NREP: variants seen among roughly 807,000 people sequenced by gnomAD.
NREP encodes the protein neuronal regeneration-related protein.
A neutral mutation model predicts 8.6 loss-of-function variants in NREP; 5 were observed. That is an observed-to-expected ratio of 0.58 (90% confidence interval 0.30 to 1.22). NREP has a LOEUF of 1.22. Among genes scored for constraint, NREP ranks in the 50% most tolerant of loss-of-function variants. The probability of loss-of-function intolerance (pLI) is 0.07; values close to 1 mark genes in which losing one functional copy is unlikely to be tolerated. For missense variants in NREP, 86 were observed against 82.5 expected (o/e 1.04, Z -0.17); for synonymous variants, 27 against 28.0 (o/e 0.96, Z 0.11).
intron 2 of NREP, among the ~76,000 whole-genome samples, chr5:111,914,937 T>A (rs1755014152): frequency 6.6e-6 from 1 of 152,160 alleles, no homozygotes; most frequent in African/African-American, 2.4e-5. Context: ...CTCTTCTTTT[T>A]TATTGATTAG....
Position 111,780,462 on chromosome 5 carries a change from G to A in NREP, c.136-44955C>T, listed in dbSNP as rs549892545. 2.5e-4 allele frequency among the ~76,000 whole-genome samples: 38 copies of A among 152,130 alleles called. No homozygotes were observed. The South Asian group carries it at 7.5e-3, about 30-fold the overall frequency. On this transcript the variant is annotated intron_variant, in intron 2 of 3. Transcript: ENST00000395634. ...GAGTCATAGAGCTTTTTAAATTAGG[G>A]GTTTTCAATATTCTAAGTTATTTGG...
chr5:111,765,136 G>A (rs1347581394), intron 2 of NREP, among the ~76,000 whole-genome samples: 1 of 152,112 alleles, frequency 6.6e-6, no homozygotes, highest in Non-Finnish European at 1.5e-5. Context: ...GTATGGTTTT[G>A]GGAGAAAACT....
At chr5:111,866,936 A>G (rs1321185338) in intron 2 of NREP, among the ~76,000 whole-genome samples, 1 of 150,224 alleles carries the variant, frequency 6.7e-6, no homozygotes, top group Non-Finnish European at 1.5e-5. Context: ...ATAGGTGGGA[A>G]TTGAACAATG....
rs563139063 is a variant in NREP, at chr5:111,745,306, T to C, written c.4-9799A>G. 5.9e-5 allele frequency among the ~76,000 whole-genome samples: 9 copies of C among 152,312 alleles called. No homozygotes were observed. In the East Asian group the frequency reaches 1.5e-3, roughly 26 times the overall value. On this transcript the variant is annotated intron_variant, in intron 2 of 3. Coordinates refer to ENST00000257435, the MANE Select transcript of NREP (RefSeq NM_004772.4). ...GCCCAAGGTCTCCAGTGTTCATGTG[T>C]TGCTACAGTCCTGGAGGAAAGACCA...
intron 2 of NREP, among the ~76,000 whole-genome samples, chr5:111,753,266 G>A (rs774248196): frequency 1.9e-4 from 29 of 150,462 alleles, no homozygotes; most frequent in Non-Finnish European, 4.0e-4. Flanking sequence ...GTGCAGTGGC[G>A]TTCAAGGAGG....
At chr5:111,859,584 C>A (rs1315246527) in intron 2 of NREP, among the ~76,000 whole-genome samples, 1 of 152,082 alleles carries the variant, frequency 6.6e-6, no homozygotes, top group African/African-American at 2.4e-5. Context: ...AATGGCAATG[C>A]TAATGGGATC....
chr5:111,755,918 A>G (rs1750674938), intron 1 of NREP, 88 bp from the exon 2 acceptor site: 3 of 1,560,724 alleles, frequency 1.9e-6, no homozygotes, highest in Admixed American at 1.8e-5. Flanking sequence ...ACAGACGAAT[A>G]ACCATTTTCT....
At chr5:111,826,540 T>C (rs559148515) in intron 2 of NREP, among the ~76,000 whole-genome samples, 1 of 152,248 alleles carries the variant, frequency 6.6e-6, no homozygotes, top group East Asian at 1.9e-4. Context: ...TCTGAACATC[T>C]GAAGGAACAA....
intron 2 of NREP, among the ~76,000 whole-genome samples, chr5:111,947,745 T>C (rs994847511): frequency 6.6e-6 from 1 of 152,078 alleles, no homozygotes; most frequent in Admixed American, 6.6e-5. Context: ...GAATGGCACA[T>C]GAATGCAGTG....
intron 2 of NREP, among the ~76,000 whole-genome samples, chr5:111,779,717 T>C (rs886533083): frequency 6.6e-6 from 1 of 152,148 alleles, no homozygotes; most frequent in African/African-American, 2.4e-5. Context: ...CATATTTAGA[T>C]GTTTCTATAA....
At chr5:111,922,010 C>CT (rs1755253493) in intron 2 of NREP, among the ~76,000 whole-genome samples, 1 of 152,140 alleles carries the variant, frequency 6.6e-6, no homozygotes, top group Non-Finnish European at 1.5e-5. Flanking sequence ...AATTAAACCG[C>CT]TTTTTCTTCC....
intron 2 of NREP, among the ~76,000 whole-genome samples, chr5:111,937,164 A>G (rs1207567897): frequency 1.3e-5 from 2 of 152,138 alleles, no homozygotes; most frequent in Non-Finnish European, 2.9e-5. Context: ...GAAGAGCTTA[A>G]CAGTTAAACT....
intron 1 of NREP, chr5:111,975,436 T>A: frequency 8.5e-7 from 1 of 1,177,022 alleles, no homozygotes; most frequent in Non-Finnish European, 1.2e-6. Flanking sequence ...GTGCCACAAC[T>A]CACAGCTCCA....
intron 3 of NREP, chr5:111,733,821 G>A (rs547453344): frequency 2.0e-5 from 3 of 152,244 alleles, no homozygotes; most frequent in South Asian, 4.1e-4. Flanking sequence ...AATGTGCCTC[G>A]GGGTGGATCA....
chr5:111,864,845 A>G (rs1340590455), intron 2 of NREP, among the ~76,000 whole-genome samples: 1 of 152,196 alleles, frequency 6.6e-6, no homozygotes, highest in Non-Finnish European at 1.5e-5. Flanking sequence ...TTAATGACAT[A>G]CCATTATTGA....
At chr5:111,975,134 C>T (rs1756925789) in intron 2 of NREP, 4 of 640,416 alleles carry the variant, frequency 6.2e-6, no homozygotes, top group South Asian at 3.9e-5. Flanking sequence ...GCTGAAAAGC[C>T]TGAATTAATG....
In NREP at chr5:111,957,342, C is replaced by T. The variant is rs1309549848; in HGVS notation, c.135+17932G>A. Among the ~76,000 whole-genome samples, 3 of 151,812 alleles carry T rather than the reference C, an allele frequency of 2.0e-5. No homozygotes were observed. In the East Asian group the frequency reaches 5.8e-4, roughly 29 times the overall value. ...GAAAATGTTAAATTTCATATACCTA[C>T]CTATAAAATATTTTAAAAATCTCAA... On this transcript the variant is annotated intron_variant, in intron 2 of 3. Transcript: ENST00000395634.
At position 111,964,855 on chromosome 5, in the gene NREP, C is replaced by CAAAAAAAAAAAAAAAAAAAAAAAA. The variant is rs58877839; in HGVS notation, c.135+10395_135+10418dup. Among the ~76,000 whole-genome samples, 18 of 44,886 alleles carry CAAAAAAAAAAAAAAAAAAAAAAAA rather than the reference C, an allele frequency of 4.0e-4. 1 individual carries two copies. Among genetic ancestry groups the CAAAAAAAAAAAAAAAAAAAAAAAA allele is most frequent in the Middle Eastern group, 0.021 (1 of 48 alleles). 29.4% of individuals were successfully genotyped at this position (44,886 alleles called of 152,430 possible). On this transcript the variant is annotated intron_variant, in intron 2 of 3. Coordinates refer to the NREP transcript ENST00000395634. ...AGTCTACTTAGAATGCTTTCAGCAG[C>CAAAAAAAAAAAAAAAAAAAAAAAA]AAAAAAAAAAAAAAAAAAAAAAAAA... is the stretch of plus-strand genomic sequence containing the variant.
intron 2 of NREP, among the ~76,000 whole-genome samples, chr5:111,771,341 C>T (rs1751221815): frequency 1.3e-5 from 2 of 152,044 alleles, no homozygotes; most frequent in Non-Finnish European, 1.5e-5. Flanking sequence ...TGAGTAAATA[C>T]TCTGCCTGAG....
Sources: gnomAD v4.1 joint callset for allele counts (sites outside exome capture counted in the v4.1 genomes callset) on GRCh38, gnomAD v4.1.1 for gene constraint, MANE v1.5 for transcripts, NCBI Gene and HGNC (gene_info 2026-07-23, HGNC 2026-07-21) for gene names.